DNAH7: variants seen among roughly 807,000 people sequenced by gnomAD.
DNAH7 encodes axonemal beta dynein heavy chain 7.
Under a neutral mutation model 444.6 loss-of-function variants are expected in DNAH7, and 397 were observed. That is an observed-to-expected ratio of 0.89 (90% CI 0.82 to 0.97). DNAH7 has a LOEUF of 0.97. Among genes scored for constraint, DNAH7 ranks in the 50% least tolerant of loss-of-function variants. The pLI is 0.00. For missense variants in DNAH7, 4,902 were observed against 4,800.8 expected (o/e 1.02, Z -0.62); for synonymous variants, 1,636 against 1,624.4 (o/e 1.01, Z -0.17).
At chr2:195,934,844 C>T in intron 20 of DNAH7, 55 bp from the exon 21 acceptor site, 1 of 1,571,514 alleles carries the variant, frequency 6.4e-7, no homozygotes, top group Non-Finnish European at 8.7e-7. Context: ...ATTCTTTACA[C>T]TCCAGAGTTC....
chr2:195,908,068 C>T lies in DNAH7; in HGVS notation c.4105-1059G>A, dbSNP rs1687142624. ...CAAATACTAATAAGCAAATTTAATA[C>T]TATTAAGTTTATGACTCTAAATAAA... is the stretch of plus-strand genomic sequence containing the variant. On this transcript the variant is annotated intron_variant, in intron 25 of 64. Coordinates refer to ENST00000312428, the MANE Select transcript of DNAH7 (RefSeq NM_018897.3). 3.3e-5 allele frequency among the ~76,000 whole-genome samples: 5 copies of T among 151,996 alleles called. No individual in the cohort carries two copies. The South Asian group carries it at 1.0e-3, about 31-fold the overall frequency.
At chr2:195,797,357 G>A (rs2105996630) in intron 55 of DNAH7, among the ~76,000 whole-genome samples, 1 of 152,256 alleles carries the variant, frequency 6.6e-6, no homozygotes, top group East Asian at 1.9e-4. Flanking sequence ...GGAAGAGTGG[G>A]GTCTCAGCCC....
chr2:195,958,127 G>A (rs1029296985), intron 18 of DNAH7, among the ~76,000 whole-genome samples: 3 of 151,788 alleles, frequency 2.0e-5, no homozygotes, highest in Non-Finnish European at 4.4e-5. Context: ...TTTCAATAAA[G>A]GTTACATGGA....
chr2:195,998,564 CAA>C (rs539748720), intron 12 of DNAH7, among the ~76,000 whole-genome samples: 176 of 96,866 alleles, frequency 1.8e-3, no homozygotes, highest in African/African-American at 3.2e-3. Flanking sequence ...GACTCCAACT[CAA>C]AAAAAAAAAA....
In DNAH7 at chr2:196,022,561, C is replaced by A. The variant is rs184655740; in HGVS notation, c.743+1868G>T. Among the ~76,000 whole-genome samples, 3 of 152,198 alleles carry A rather than the reference C, an allele frequency of 2.0e-5. No individual in the cohort carries two copies. The East Asian group carries it at 5.8e-4, about 29-fold the overall frequency. ...CATAAGAAGCAACTCCTCATCTGTT[C>A]AAGTTTTATCATGAGATGGGAGAAA... On this transcript the variant is annotated intron_variant, in intron 8 of 64. Transcript: ENST00000312428.
intron 9 of DNAH7, among the ~76,000 whole-genome samples, chr2:196,017,753 A>G (rs1233350756): frequency 6.6e-6 from 1 of 152,178 alleles, no homozygotes; most frequent in Admixed American, 6.6e-5. Flanking sequence ...GGCTATCTGG[A>G]AGAAAATAAA....
intron 57 of DNAH7, among the ~76,000 whole-genome samples, chr2:195,789,115 A>T (rs893545592): frequency 1.3e-5 from 2 of 152,160 alleles, no homozygotes; most frequent in Non-Finnish European, 2.9e-5. Flanking sequence ...AGCCTGGAAC[A>T]TCTTATGCCA....
intron 20 of DNAH7, among the ~76,000 whole-genome samples, chr2:195,935,612 T>C (rs562183399): frequency 6.6e-6 from 1 of 152,118 alleles, no homozygotes; most frequent in Non-Finnish European, 1.5e-5. Flanking sequence ...AGACATGCCA[T>C]TAACAAATAA....
chr2:196,003,144 T>A (rs1694150593), intron 10 of DNAH7, among the ~76,000 whole-genome samples: 1 of 147,298 alleles, frequency 6.8e-6, no homozygotes. Flanking sequence ...GGTTTCATAG[T>A]GAAGATGGCA....
At chr2:195,985,323 A>G (rs909370275) in intron 14 of DNAH7, among the ~76,000 whole-genome samples, 4 of 152,216 alleles carry the variant, frequency 2.6e-5, no homozygotes, top group African/African-American at 9.6e-5. Flanking sequence ...ATAATGGGTT[A>G]AAGTCTGGGG....
At position 195,934,797 on chromosome 2, in the gene DNAH7, GA is replaced by G. The variant is rs1559242353; in HGVS notation, c.3273-9del. 1 of 1,613,584 alleles carries G rather than the reference GA, an allele frequency of 6.2e-7. No homozygotes were observed. The highest frequency in any genetic ancestry group is 1.1e-5 in the South Asian group (1 of 91,030). On this transcript the variant is annotated splice_polypyrimidine_tract_variant and intron_variant, in intron 20 of 64. Coordinates refer to ENST00000312428, the MANE Select transcript of DNAH7 (RefSeq NM_018897.3). ...TTCAAGTGAGGTTGCACCCTGTCAGGAAAAACATTTTTAAGATAATTAACCA... is the reference window on the plus strand; with the variant it reads ...TTCAAGTGAGGTTGCACCCTGTCAGGAAAACATTTTTAAGATAATTAACCA...
intron 17 of DNAH7, among the ~76,000 whole-genome samples, chr2:195,963,084 G>C (rs977688835): frequency 6.6e-6 from 1 of 152,212 alleles, no homozygotes; most frequent in African/African-American, 2.4e-5. Context: ...TGGGAATGCA[G>C]ATATCTCTTT....
intron 46 of DNAH7, among the ~76,000 whole-genome samples, chr2:195,852,891 T>TAC (rs4014237): frequency 0.026 from 3,552 of 138,966 alleles, 111 homozygotes; most frequent in African/African-American, 0.078. Flanking sequence ...GCTGATGAAG[T>TAC]ACACACACAC....
intron 54 of DNAH7, among the ~76,000 whole-genome samples, chr2:195,804,782 A>G (rs533890849): frequency 1.3e-5 from 2 of 152,288 alleles, no homozygotes; most frequent in East Asian, 3.9e-4. Flanking sequence ...CTCCCACTTC[A>G]AGTGTGCACA....
intron 3 of DNAH7, among the ~76,000 whole-genome samples, chr2:196,048,652 T>C (rs1697279685): frequency 6.6e-6 from 1 of 152,208 alleles, no homozygotes; most frequent in African/African-American, 2.4e-5. Context: ...AGGGTCTTCA[T>C]TCTAGAGAGG....
intron 19 of DNAH7, among the ~76,000 whole-genome samples, chr2:195,947,813 A>C (rs1355157472): frequency 6.6e-6 from 1 of 152,136 alleles, no homozygotes; most frequent in Non-Finnish European, 1.5e-5. Flanking sequence ...ATACCCAGTA[A>C]TGGGATTGCT....
At chr2:196,058,721 T>C (rs975355100) in intron 1 of DNAH7, among the ~76,000 whole-genome samples, 6 of 152,170 alleles carry the variant, frequency 3.9e-5, no homozygotes, top group African/African-American at 1.4e-4. Context: ...CCCATGTTCA[T>C]GGATTGGGAG....
intron 17 of DNAH7, 61 bp from the exon 18 acceptor site, chr2:195,961,006 GTT>G (rs1458354634): frequency 3.8e-6 from 5 of 1,319,844 alleles, no homozygotes; most frequent in Admixed American, 2.8e-5. Context: ...TGCAAATTAA[GTT>G]TTTTTAAATA....
At chr2:195,868,794 G>A (rs1182757146) in intron 40 of DNAH7, among the ~76,000 whole-genome samples, 1 of 150,320 alleles carries the variant, frequency 6.7e-6, no homozygotes, top group Non-Finnish European at 1.5e-5. Flanking sequence ...ATTAACTAAT[G>A]TCTCAGAGCC....
Sources: allele counts gnomAD v4.1 joint callset (sites outside exome capture counted in the v4.1 genomes callset), GRCh38; gene constraint gnomAD v4.1.1; transcripts MANE v1.5; gene names NCBI Gene and HGNC (gene_info 2026-07-23, HGNC 2026-07-21).